ANGEL1: variants seen among roughly 807,000 people sequenced by gnomAD.
The protein encoded by ANGEL1 is angel homolog 1.
In ANGEL1, 62 loss-of-function variants were observed where a neutral mutation model predicts 76.4. The observed-to-expected ratio is 0.81, with a 90% CI of 0.66 to 1.00. The LOEUF is 1.00. ANGEL1 is among the 50% of genes least tolerant of loss of function. The pLI, the probability that ANGEL1 is intolerant of heterozygous loss-of-function variation, is 0.00. For missense variants in ANGEL1, 737 were observed against 836.7 expected (o/e 0.88, Z 1.47); for synonymous variants, 340 against 331.7 (o/e 1.03, Z -0.27).
At chr14:76,794,409 C>CT (rs1241054665) in intron 7 of ANGEL1, among the ~76,000 whole-genome samples, 1 of 152,104 alleles carries the variant, frequency 6.6e-6, no homozygotes, top group Non-Finnish European at 1.5e-5. Context: ...CAGTGGCTCA[C>CT]GCCTGTAATC....
intron 1 of ANGEL1, chr14:76,812,227 T>A: frequency 1.0e-6 from 1 of 985,656 alleles, no homozygotes; most frequent in Non-Finnish European, 1.2e-6. Flanking sequence ...TGTCTCTGAT[T>A]GAACGTCCGT....
intron 7 of ANGEL1, among the ~76,000 whole-genome samples, chr14:76,799,452 CCTGG>C (rs2140219071): frequency 6.6e-6 from 1 of 152,096 alleles, no homozygotes; most frequent in African/African-American, 2.4e-5. Context: ...CGCCACCACA[CCTGG>C]CTAATCTTTT....
intron 1 of ANGEL1, among the ~76,000 whole-genome samples, chr14:76,811,535 C>CCCT (rs1895085729): frequency 8.5e-6 from 1 of 117,936 alleles, no homozygotes; most frequent in African/African-American, 3.1e-5. Flanking sequence ...GCGGGGGGGG[C>CCCT]CCTCCTCTGA....
chr14:76,812,741 C>A, intron 1 of ANGEL1, 23 bp downstream of exon 1: 1 of 1,506,666 alleles, frequency 6.6e-7, no homozygotes, highest in South Asian at 1.2e-5. Context: ...GGGCTCCTGT[C>A]TGTCGGTACG....
intron 7 of ANGEL1, among the ~76,000 whole-genome samples, chr14:76,801,216 T>A (rs1894754583): frequency 6.6e-6 from 1 of 151,334 alleles, no homozygotes; most frequent in Non-Finnish European, 1.5e-5. Context: ...GCTCAAGCAA[T>A]CCTCTTGCCT....
At chr14:76,795,091 G>C (rs964835795) in intron 7 of ANGEL1, among the ~76,000 whole-genome samples, 4 of 152,060 alleles carry the variant, frequency 2.6e-5, no homozygotes, top group Admixed American at 6.6e-5. Flanking sequence ...AATGCTATTA[G>C]AGTTTTTTTC....
At chr14:76,796,885 C>T (rs1894595250) in intron 7 of ANGEL1, among the ~76,000 whole-genome samples, 1 of 152,128 alleles carries the variant, frequency 6.6e-6, no homozygotes, top group African/African-American at 2.4e-5. Flanking sequence ...ACATTTTTAA[C>T]ACTAGTATCT....
rs770640086 is a variant in ANGEL1, at chr14:76,807,481, G to C, written c.898C>G (p.Gln300Glu). 1.9e-6 allele frequency: 3 copies of C among 1,613,534 alleles called. No homozygotes were observed. The East Asian group carries it at 6.7e-5, about 36-fold the overall frequency. ...DPDILCLQEVQEDHYWEQLEP... is the reference protein window; with the variant it reads ...DPDILCLQEVEEDHYWEQLEP... Reference sequence around the variant, plus strand: ...AGCTGCTCCCAGTAATGATCTTCCTGGACTTCCTGGAGACACAGGATCTGG... The same window carrying C: ...AGCTGCTCCCAGTAATGATCTTCCTCGACTTCCTGGAGACACAGGATCTGG... Residue 300 changes from glutamine (Q) to glutamate (E), a missense_variant, in exon 4 of 10, where the codon CAG becomes GAG. By Grantham distance (29) the Gln-to-Glu change is conservative. Coordinates refer to ENST00000251089, the MANE Select transcript of ANGEL1 (RefSeq NM_015305.4).
At chr14:76,790,868 GGAT>G (rs1894385623) in intron 8 of ANGEL1, 94 bp from the exon 9 acceptor site, 2 of 1,434,750 alleles carry the variant, frequency 1.4e-6, no homozygotes, top group African/African-American at 1.4e-5. Flanking sequence ...TTTTTTAAAA[GGAT>G]GATCTCAGAT....
At chr14:76,801,162 G>C (rs1157711971) in intron 7 of ANGEL1, among the ~76,000 whole-genome samples, 4 of 150,474 alleles carry the variant, frequency 2.7e-5, no homozygotes, top group Admixed American at 1.3e-4. Context: ...CCAAGCTGGA[G>C]TGCAATGGTA....
At chr14:76,800,066 C>T (rs1476107935) in intron 7 of ANGEL1, among the ~76,000 whole-genome samples, 2 of 152,054 alleles carry the variant, frequency 1.3e-5, no homozygotes, top group East Asian at 1.9e-4. Context: ...TATTTTGCAC[C>T]GCTGGTGAAC....
At chr14:76,790,832 C>A (rs1894384947) in intron 8 of ANGEL1, 58 bp from the exon 9 acceptor site, 1 of 1,484,812 alleles carries the variant, frequency 6.7e-7, no homozygotes, top group South Asian at 1.4e-5. Flanking sequence ...TTCCCTAGAT[C>A]ACTTTTTCTA....
chr14:76,794,789 T>G (rs562011223), intron 7 of ANGEL1, among the ~76,000 whole-genome samples: 15 of 152,294 alleles, frequency 9.8e-5, no homozygotes, highest in Non-Finnish European at 1.6e-4. Flanking sequence ...TCATTATATC[T>G]TTTAATAAAC....
At chr14:76,793,588 C>A (rs1347482292) in intron 7 of ANGEL1, among the ~76,000 whole-genome samples, 1 of 135,090 alleles carries the variant, frequency 7.4e-6, no homozygotes, top group Admixed American at 7.7e-5. Flanking sequence ...TTTGCAGACA[C>A]GGATATGATG....
intron 3 of ANGEL1, 102 bp from the exon 4 acceptor site, chr14:76,807,604 A>G (rs45582838): frequency 0.013 from 14,741 of 1,148,892 alleles, 123 homozygotes; most frequent in Non-Finnish European, 0.016. Context: ...GCTGGGTCAC[A>G]CTGAAACTTC....
Position 76,803,813 on chromosome 14 carries a change from CAT to C in ANGEL1, c.1478_1479del (p.Tyr493CysfsTer45), listed in dbSNP as rs1433328804. ...SSLGITDCCQ[Y>X]VTSCHPKRSE... ...GATCTCTTGGGGTGACAGGAGGTGA[CAT>C]ACTGACAGCAATCAGTGATGCCCAG... On this transcript the variant is annotated frameshift_variant, in exon 6 of 10. Transcript: ENST00000251089. LOFTEE classifies it high-confidence loss of function. The C allele has an allele frequency of 1.2e-6, 2 of 1,613,924 alleles. No individual in the cohort carries two copies. The highest frequency in any genetic ancestry group is 1.7e-6 in the Non-Finnish European group (2 of 1,179,916).
chr14:76,806,947 T>C (rs1372756960), intron 4 of ANGEL1, 98 bp from the exon 5 acceptor site: 15 of 1,302,918 alleles, frequency 1.2e-5, no homozygotes, highest in African/African-American at 1.0e-4. Flanking sequence ...CCCTGAGGCA[T>C]TGTTCCTGCT....
intron 2 of ANGEL1, 137 bp downstream of exon 2, chr14:76,808,922 C>G: frequency 1.2e-6 from 1 of 829,894 alleles, no homozygotes; most frequent in Non-Finnish European, 1.8e-6. Flanking sequence ...CCCTCTAGAT[C>G]TGACATGCCA....
At chr14:76,799,278 C>CTTTTTTTTTTTTTTT (rs71122579) in intron 7 of ANGEL1, among the ~76,000 whole-genome samples, 4 of 52,378 alleles carry the variant, frequency 7.6e-5, no homozygotes, top group Non-Finnish European at 1.3e-4. Flanking sequence ...TCATGGCCTC[C>CTTTTTTTTTTTTTTT]TTTTTTTTTT....
Sources: gnomAD v4.1 joint callset for allele counts (sites outside exome capture counted in the v4.1 genomes callset) on GRCh38, gnomAD v4.1.1 for gene constraint, MANE v1.5 for transcripts, NCBI Gene and HGNC (gene_info 2026-07-23, HGNC 2026-07-21) for gene names.